Variants in WRN observed in about 807,000 individuals in gnomAD.
The protein encoded by WRN is WRN RecQ like helicase, also known as bifunctional 3'-5' exonuclease/ATP-dependent helicase WRN.
In WRN, 149 loss-of-function variants were observed where a neutral mutation model predicts 180.7. That is an observed-to-expected ratio of 0.82 (90% CI 0.72 to 0.94). WRN has a LOEUF of 0.94. Ranked by LOEUF, WRN falls within the 40% of genes least tolerant of loss-of-function variation. WRN has a pLI of 0.00. For missense variants in WRN, 1,661 were observed against 1,700.1 expected, an observed-to-expected ratio of 0.98 and a Z score of 0.40; for synonymous variants, 548 against 568.9, an observed-to-expected ratio of 0.96 and a Z score of 0.52.
intron 1 of WRN, among the ~76,000 whole-genome samples, chr8:31,052,533 G>A (rs1225493035): frequency 3.3e-5 from 5 of 151,888 alleles, no homozygotes; most frequent in African/African-American, 4.8e-5. Context: ...GATTACAGGC[G>A]TGCACCACCA....
intron 17 of WRN, among the ~76,000 whole-genome samples, chr8:31,097,422 C>T (rs111667615): frequency 2.4e-4 from 36 of 152,170 alleles, no homozygotes; most frequent in Middle Eastern, 6.8e-3. Context: ...ATATATAGCC[C>T]GGGTTGGAAA....
At chr8:31,155,599 G>C (rs1236119677) in intron 32 of WRN, among the ~76,000 whole-genome samples, 1 of 146,544 alleles carries the variant, frequency 6.8e-6, no homozygotes, top group African/African-American at 2.5e-5. Flanking sequence ...TCCAACCTGG[G>C]CGACCGAGCA....
intron 17 of WRN, among the ~76,000 whole-genome samples, chr8:31,099,232 A>G (rs1814114135): frequency 6.6e-6 from 1 of 152,126 alleles, no homozygotes; most frequent in Non-Finnish European, 1.5e-5. Flanking sequence ...CCCTGTCTCT[A>G]CTAAAAATAC....
At chr8:31,066,313 G>A (rs533964580) in intron 5 of WRN, among the ~76,000 whole-genome samples, 5 of 152,152 alleles carry the variant, frequency 3.3e-5, no homozygotes, top group Non-Finnish European at 5.9e-5. Flanking sequence ...AGCCTCCCGA[G>A]TAGCTGGCAC....
intron 28 of WRN, among the ~76,000 whole-genome samples, chr8:31,145,824 C>A (rs11574355): frequency 6.6e-6 from 1 of 151,852 alleles, no homozygotes; most frequent in African/African-American, 2.4e-5. Flanking sequence ...TGGAAGAAGT[C>A]GATTCTTATT....
intron 7 of WRN, among the ~76,000 whole-genome samples, chr8:31,070,357 T>C (rs1219101161): frequency 6.6e-6 from 1 of 152,086 alleles, no homozygotes; most frequent in African/African-American, 2.4e-5. Context: ...ACTGTTTTTT[T>C]CTTCTTGTTA....
intron 34 of WRN, chr8:31,171,230 C>T (rs1160521747): frequency 6.6e-6 from 1 of 151,874 alleles, no homozygotes; most frequent in Non-Finnish European, 1.5e-5. Context: ...TATTGCTGTT[C>T]AGATGTACTC....
chr8:31,170,813 A>G (rs941563888), intron 34 of WRN, among the ~76,000 whole-genome samples: 26 of 152,276 alleles, frequency 1.7e-4, no homozygotes, highest in African/African-American at 6.3e-4. Flanking sequence ...CTTATTGTTG[A>G]CACTCAAAAG....
intron 32 of WRN, 48 bp downstream of exon 32, chr8:31,154,803 C>A: frequency 6.2e-7 from 1 of 1,609,072 alleles, no homozygotes; most frequent in Non-Finnish European, 8.5e-7. Context: ...TTTACTTAAA[C>A]TTGTGTTTTA....
chr8:31,070,578 G>C (rs1375405409), intron 7 of WRN, among the ~76,000 whole-genome samples: 2 of 152,032 alleles, frequency 1.3e-5, no homozygotes, highest in African/African-American at 4.8e-5. Context: ...CAGTTTTATT[G>C]GGGATATAGA....
intron 24 of WRN, among the ~76,000 whole-genome samples, chr8:31,137,580 G>C (rs138177415): frequency 6.6e-6 from 1 of 152,164 alleles, no homozygotes; most frequent in East Asian, 1.9e-4. Context: ...CTAATAAAAA[G>C]CAGATTAATA....
At position 31,152,482 on chromosome 8, in the gene WRN, C is replaced by T. The variant is rs558444119; in HGVS notation, c.3687+2027C>T. On this transcript the variant is annotated intron_variant, in intron 31 of 34. Coordinates refer to ENST00000298139, the MANE Select transcript of WRN (RefSeq NM_000553.6). Reference sequence around the variant, plus strand: ...TGGCTATGAATGACAGTTGATGAAACCGGGTGGTGCCCATCTTATTCCCTC... The same window carrying T: ...TGGCTATGAATGACAGTTGATGAAATCGGGTGGTGCCCATCTTATTCCCTC... Among the ~76,000 whole-genome samples, 5 of 151,670 alleles carry T rather than the reference C, an allele frequency of 3.3e-5. No homozygotes were observed. The East Asian group carries it at 9.7e-4, about 29-fold the overall frequency.
At chr8:31,073,579 G>A (rs1192044288) in intron 7 of WRN, among the ~76,000 whole-genome samples, 1 of 152,130 alleles carries the variant, frequency 6.6e-6, no homozygotes, top group Non-Finnish European at 1.5e-5. Context: ...CAAGGTTGAG[G>A]TTGGAGATGT....
intron 33 of WRN, among the ~76,000 whole-genome samples, chr8:31,159,229 G>A (rs1563388546): frequency 6.6e-6 from 1 of 151,998 alleles, no homozygotes; most frequent in Non-Finnish European, 1.5e-5. Flanking sequence ...GAGCTCAGGA[G>A]TTTGGGGTTA....
intron 15 of WRN, 128 bp from the exon 16 acceptor site, chr8:31,091,702 G>A (rs564286263): frequency 1.0e-6 from 1 of 960,020 alleles, no homozygotes; most frequent in Admixed American, 2.2e-5. Flanking sequence ...GTTAGTAAGT[G>A]ACAAAAAAGA....
At chr8:31,122,354 T>C (rs1316970803) in intron 21 of WRN, among the ~76,000 whole-genome samples, 3 of 152,028 alleles carry the variant, frequency 2.0e-5, no homozygotes, top group African/African-American at 7.2e-5. Context: ...GGTTCTCACC[T>C]GGAAAGGTCA....
At chr8:31,139,624 C>T (rs897498212) in intron 24 of WRN, among the ~76,000 whole-genome samples, 3 of 152,162 alleles carry the variant, frequency 2.0e-5, no homozygotes, top group African/African-American at 7.2e-5. Context: ...TGCAAACCAA[C>T]GTGAACCTGC....
At chr8:31,160,767 T>C (rs982193364) in intron 33 of WRN, among the ~76,000 whole-genome samples, 4 of 152,120 alleles carry the variant, frequency 2.6e-5, no homozygotes, top group Non-Finnish European at 5.9e-5. Context: ...GGCAGGTCAC[T>C]GAGGTCAGGT....
At position 31,154,640 on chromosome 8, in the gene WRN, G is replaced by A. The variant is rs777064429; in HGVS notation, c.3704G>A (p.Ser1235Asn). The change falls in exon 32 of 35, where the codon AGT becomes AAT. Residue 1235 changes from serine (S) to asparagine (N), a missense_variant. Ser to Asn is a conservative substitution (Grantham distance 46). Around this residue, in one of 3 missense-constraint regions of WRN, gnomAD observed 1,141 missense variants for 1,149.4 expected, o/e 0.99. Coordinates refer to ENST00000298139, the MANE Select transcript of WRN (RefSeq NM_000553.6). The stretch of plus-strand genomic sequence containing the variant: ...ATTCTGTAGACAGACCTCTTTTCAA[G>A]TACAAAACCTCAAGAAGAACAGAAG... Reference protein sequence around the residue: ...TNSVQTDLFSSTKPQEEQKTS... With the variant: ...TNSVQTDLFSNTKPQEEQKTS... 1.9e-5 allele frequency: 31 copies of A among 1,612,692 alleles called. No homozygotes were observed. Among genetic ancestry groups the A allele is most frequent in the African/African-American group, 1.3e-5 (1 of 74,828 alleles).
Sources: allele counts gnomAD v4.1 joint callset (sites outside exome capture counted in the v4.1 genomes callset), GRCh38; gene constraint gnomAD v4.1.1; regional missense constraint gnomAD v4.1.1; transcripts MANE v1.5; gene names NCBI Gene and HGNC (gene_info 2026-07-23, HGNC 2026-07-21).